The following P2RX7 variants were observed in gnomAD, a reference collection of about 807,000 sequenced individuals.
The protein encoded by P2RX7 is P2X purinoceptor 7.
In P2RX7, 62 loss-of-function variants were observed where a neutral mutation model predicts 71.6. The ratio of observed to expected loss-of-function variants is 0.87; its 90% CI spans 0.71 to 1.07. P2RX7 has a LOEUF of 1.07. P2RX7 is among the 50% of genes least tolerant of loss of function. The pLI is 0.00. For missense variants in P2RX7, 686 were observed against 748.5 expected, an observed-to-expected ratio of 0.92 and a Z score of 0.97; for synonymous variants, 299 against 283.3, an observed-to-expected ratio of 1.06 and a Z score of -0.56.
intron 6 of P2RX7, 44 bp downstream of exon 6, chr12:121,165,481 A>G (rs1396781828): frequency 6.9e-7 from 1 of 1,446,968 alleles, no homozygotes; most frequent in East Asian, 2.3e-5. Context: ...TCTACTGCTG[A>G]GTAATAAATT....
intron 8 of P2RX7, among the ~76,000 whole-genome samples, chr12:121,174,453 G>A (rs1433908767): frequency 6.6e-6 from 1 of 152,078 alleles, no homozygotes; most frequent in Non-Finnish European, 1.5e-5. Context: ...CCCAGGAGGT[G>A]GAGGCTGCAG....
chr12:121,163,214 C>T (rs1880120611), intron 5 of P2RX7, among the ~76,000 whole-genome samples: 1 of 151,988 alleles, frequency 6.6e-6, no homozygotes, highest in African/African-American at 2.4e-5. Context: ...TTTCAGTGTC[C>T]TCACCTGTAA....
chr12:121,180,708 A>G (rs1034491110), intron 12 of P2RX7, among the ~76,000 whole-genome samples: 1 of 152,122 alleles, frequency 6.6e-6, no homozygotes, highest in Non-Finnish European at 1.5e-5. Context: ...CACACCTGCA[A>G]TCCCAGCACT....
intron 6 of P2RX7, 82 bp from the exon 7 acceptor site, chr12:121,165,976 A>G: frequency 1.0e-5 from 15 of 1,451,604 alleles, no homozygotes; most frequent in Non-Finnish European, 1.4e-5. Context: ...CCTCTCCACC[A>G]CACTGGCTCA....
Position 121,154,804 on chromosome 12 carries a change from A to C in P2RX7, c.145A>C (p.Lys49Gln), listed in dbSNP as rs768107697. The C allele has an allele frequency of 6.2e-7, 1 of 1,613,634 alleles. No individual in the cohort carries two copies. Among genetic ancestry groups the C allele is most frequent in the Non-Finnish European group, 8.5e-7 (1 of 1,179,610 alleles). The stretch of plus-strand genomic sequence containing the variant: ...ATTTAGCTTTGCTCTGGTGAGTGAC[A>C]AGCTGTACCAGCGGAAAGAGCCTGT... ...SYVCFALVSD[K>Q]LYQRKEPVIS... The change falls in exon 2 of 13, where the codon AAG (lysine) becomes CAG (glutamine). Residue 49 changes from lysine (K) to glutamine (Q), a missense_variant. By Grantham distance (53) the Lys-to-Gln change is moderately conservative. Coordinates refer to ENST00000328963, the MANE Select transcript of P2RX7 (RefSeq NM_002562.6). This position sits in a 1 kb window ranked among gnomAD's most constrained non-coding sequence, Gnocchi z 4.2.
chr12:121,140,812 C>T (rs1246614780), intron 1 of P2RX7, among the ~76,000 whole-genome samples: 1 of 152,108 alleles, frequency 6.6e-6, no homozygotes, highest in Non-Finnish European at 1.5e-5. Flanking sequence ...AAGGGCCAGG[C>T]GTGGTGGCTC....
intron 1 of P2RX7, among the ~76,000 whole-genome samples, chr12:121,144,215 G>T (rs1875644981): frequency 6.6e-6 from 1 of 152,052 alleles, no homozygotes; most frequent in African/African-American, 2.4e-5. Context: ...GTTTTGCAAG[G>T]GAGTTAGAGT....
rs559458051 is a variant in P2RX7, at chr12:121,133,383, G to T, written c.125+288G>T. Among the ~76,000 whole-genome samples, 24 of 152,348 alleles carry T rather than the reference G, an allele frequency of 1.6e-4. 1 individual carries two copies. The South Asian group carries it at 5.0e-3, about 32-fold the overall frequency. On this transcript the variant is annotated intron_variant, in intron 1 of 12. Transcript: ENST00000328963. ...CCTGGGGAAGGTAGGAAAGCGCAGG[G>T]CAACACCCTGGATCCCCAGGGAGGA...
chr12:121,136,017 A>ATATAT (rs1291059464), intron 1 of P2RX7, among the ~76,000 whole-genome samples: 9 of 18,480 alleles, frequency 4.9e-4, no homozygotes, highest in South Asian at 7.0e-3. Flanking sequence ...AAAAAAAAAA[A>ATATAT]AAAAAAATAT....
intron 12 of P2RX7, among the ~76,000 whole-genome samples, 177 bp from the exon 13 acceptor site, chr12:121,184,128 G>A (rs1884591494): frequency 6.6e-6 from 1 of 151,704 alleles, no homozygotes; most frequent in Non-Finnish European, 1.5e-5. Flanking sequence ...CGTCTTCAAA[G>A]GCCTGAATGA....
Position 121,184,574 on chromosome 12 carries a change from A to T in P2RX7, c.1560A>T (p.Arg520Ser). 1 of 1,614,164 alleles carries T rather than the reference A, an allele frequency of 6.2e-7. No individual in the cohort carries two copies. Among genetic ancestry groups the T allele is most frequent in the South Asian group, 1.1e-5 (1 of 91,078 alleles). ...TGTTCAGGAAGCTGGTCCTGTCCAG[A>T]CACGTCCTGCAGTTCCTCCTGCTCT... is the stretch of plus-strand genomic sequence containing the variant. ...SELFRKLVLS[R>S]HVLQFLLLYQ... Residue 520 changes from arginine to serine, a missense_variant, in exon 13 of 13, where the codon AGA becomes AGT. Transcript: ENST00000328963.
At chr12:121,170,290 G>A (rs912444208) in intron 8 of P2RX7, among the ~76,000 whole-genome samples, 2 of 152,144 alleles carry the variant, frequency 1.3e-5, no homozygotes, top group African/African-American at 2.4e-5. Context: ...AGAAGCATGC[G>A]GGGCAGTGTA....
chr12:121,179,415 G>A (rs1326802156), intron 11 of P2RX7, among the ~76,000 whole-genome samples: 1 of 150,934 alleles, frequency 6.6e-6, no homozygotes, highest in Non-Finnish European at 1.5e-5. Flanking sequence ...CAGGAGAATC[G>A]CTTGAACCCA....
At chr12:121,170,082 A>G (rs1881876139) in intron 8 of P2RX7, among the ~76,000 whole-genome samples, 2 of 152,146 alleles carry the variant, frequency 1.3e-5, no homozygotes, top group Non-Finnish European at 2.9e-5. Flanking sequence ...CCCTTGACTC[A>G]AAGGCGGGCT....
Position 121,156,066 on chromosome 12 carries a change from TC to T in P2RX7, c.295-11del, listed in dbSNP as rs1009603498. The T allele has an allele frequency of 6.2e-7, 1 of 1,612,292 alleles. No individual in the cohort carries two copies. Among genetic ancestry groups the T allele is most frequent in the Non-Finnish European group, 8.5e-7 (1 of 1,178,314 alleles). On this transcript the variant is annotated splice_polypyrimidine_tract_variant and intron_variant, in intron 2 of 12. Transcript: ENST00000328963. ...AAAGGCCTTGCATTTTCTTAGCCTC[TC>T]CTTCTCCACAGGGGAACTCTTTCTT...
intron 1 of P2RX7, among the ~76,000 whole-genome samples, chr12:121,139,760 A>G (rs1159598034): frequency 7.6e-6 from 1 of 130,810 alleles, no homozygotes; most frequent in Non-Finnish European, 1.6e-5. Flanking sequence ...TTTGAGACAG[A>G]GTCTCCCTCT....
In P2RX7 at chr12:121,154,739, G is replaced by A. The variant is rs201601422; in HGVS notation, c.126-46G>A. On this transcript the variant is annotated intron_variant, in intron 1 of 12. Coordinates refer to ENST00000328963, the MANE Select transcript of P2RX7 (RefSeq NM_002562.6). This position sits in a 1 kb window ranked among gnomAD's most constrained non-coding sequence, Gnocchi z 4.2. ...TCCTCCAACGCCTGCATCCCAACCC[G>A]CTGTGCTATGCCTCCCGTTGATGCT... The A allele has an allele frequency of 9.9e-5, 130 of 1,315,474 alleles. 1 individual carries two copies. The highest frequency in any genetic ancestry group is 7.5e-4 in the African/African-American group (52 of 69,230). The allele number at this position is 1,315,474 out of a possible 1,614,324, so 81.5% of individuals were successfully genotyped here. A position where few individuals can be genotyped will look rare whatever the true frequency, so the allele number is the denominator to read the frequency against.
intron 11 of P2RX7, among the ~76,000 whole-genome samples, chr12:121,178,612 T>C (rs1056083724): frequency 1.3e-5 from 2 of 151,686 alleles, no homozygotes; most frequent in African/African-American, 4.8e-5. Flanking sequence ...GCCAACATGG[T>C]GAAACCCCAT....
intron 2 of P2RX7, chr12:121,155,236 C>A: frequency 7.3e-7 from 1 of 1,378,226 alleles, no homozygotes; most frequent in African/African-American, 1.4e-5. Context: ...TTACCCGCAG[C>A]TTTTTAGACG....
Sources: gnomAD v4.1 joint callset for allele counts (sites outside exome capture counted in the v4.1 genomes callset) on GRCh38, gnomAD v4.1.1 for gene constraint, Gnocchi (gnomAD v3.1) non-coding constraint, MANE v1.5 for transcripts, NCBI Gene and HGNC (gene_info 2026-07-23, HGNC 2026-07-21) for gene names.